The following PPEF2 variants were observed in gnomAD, a reference collection of about 807,000 sequenced individuals.
The protein encoded by PPEF2 is serine/threonine-protein phosphatase with EF-hands 2.
Under a neutral mutation model 84.7 loss-of-function variants are expected in PPEF2, and 84 were observed. The ratio of observed to expected loss-of-function variants is 0.99; its 90% CI spans 0.83 to 1.19. The LOEUF is 1.19. Ranked by LOEUF, PPEF2 falls within the 50% of genes most tolerant of loss-of-function variation. The probability of loss-of-function intolerance (pLI) is 0.00; values close to 1 mark genes in which losing one functional copy is unlikely to be tolerated. For synonymous variants in PPEF2, 346 were observed against 345.2 expected, an observed-to-expected ratio of 1.00 and a Z score of -0.03; for missense variants, 924 against 937.5, an observed-to-expected ratio of 0.99 and a Z score of 0.19.
intron 13 of PPEF2, among the ~76,000 whole-genome samples, chr4:75,870,875 T>A (rs1394917): frequency 1.6e-5 from 1 of 63,488 alleles, no homozygotes; most frequent in Admixed American, 1.7e-4. Context: ...TCTCAAAAGC[T>A]ACCATTTATT....
In PPEF2 at chr4:75,896,263, A is replaced by G; in HGVS notation, c.55+8T>C. 1 of 1,613,830 alleles carries G rather than the reference A, an allele frequency of 6.2e-7. No homozygotes were observed. Among genetic ancestry groups the G allele is most frequent in the Non-Finnish European group, 8.5e-7 (1 of 1,179,716 alleles). ...CCACAGCTGGTTTGGAAAGTGGGAA[A>G]CACGTACCTCTCTCTGCATTCTGGA... On this transcript the variant is annotated splice_region_variant and intron_variant, in intron 2 of 16. Transcript: ENST00000286719.
chr4:75,897,162 C>A (rs953457259), intron 1 of PPEF2, among the ~76,000 whole-genome samples: 2 of 152,094 alleles, frequency 1.3e-5, no homozygotes, highest in Admixed American at 1.3e-4. Context: ...CAGGCCACAC[C>A]TTTATTTCAA....
At position 75,888,336 on chromosome 4, in the gene PPEF2, G is replaced by A. The variant is rs934476361; in HGVS notation, c.418-8C>T. On this transcript the variant is annotated splice_region_variant and splice_polypyrimidine_tract_variant and intron_variant, in intron 5 of 16. Transcript: ENST00000286719. ...GTAGCGAGCATGGAGCTGCTACTGG[G>A]AGGAAGAGGAGGGAAGGAAGAAAAC... 28 of 1,586,498 alleles carry A rather than the reference G, an allele frequency of 1.8e-5. No individual in the cohort carries two copies. The highest frequency in any genetic ancestry group is 2.3e-5 in the Non-Finnish European group (27 of 1,154,990).
rs571010813 is a variant in PPEF2, at chr4:75,866,705, T to C, written c.1757-353A>G. On this transcript the variant is annotated intron_variant, in intron 14 of 16. Coordinates refer to ENST00000286719, the MANE Select transcript of PPEF2 (RefSeq NM_006239.3). The stretch of plus-strand genomic sequence containing the variant: ...TACTTCTGCAAGCCACATAAAAGTC[T>C]TGTAAATGATATCATAAAATATTAT... 3.3e-5 allele frequency among the ~76,000 whole-genome samples: 5 copies of C among 152,246 alleles called. No individual in the cohort carries two copies. The South Asian group carries it at 1.0e-3, about 31-fold the overall frequency.
At position 75,890,095 on chromosome 4, in the gene PPEF2, G is replaced by A. The variant is rs753429908; in HGVS notation, c.279C>T (p.Phe93=). ...ATTTCTTCATCTCGGAGTCCTGGGC[G>A]AATCTGTCCTCAGTGAATATGCGGG... The part of the protein sequence containing the change: ...FLTRIFTEDR[F]AQDSEMKKCS... The change falls in exon 5 of 17, where the codon TTC becomes TTT. Residue 93 remains phenylalanine (F), a synonymous_variant. Transcript: ENST00000286719. 5.0e-6 allele frequency: 8 copies of A among 1,614,082 alleles called. No homozygotes were observed. Among genetic ancestry groups the A allele is most frequent in the Admixed American group, 1.7e-5 (1 of 60,012 alleles).
chr4:75,874,195 A>T (rs367800428), intron 11 of PPEF2, among the ~76,000 whole-genome samples: 68 of 152,172 alleles, frequency 4.5e-4, no homozygotes, highest in African/African-American at 1.5e-3. Flanking sequence ...TTCAGTTTCT[A>T]CTCTATTATT....
rs79246713 is a variant in PPEF2, at chr4:75,872,715, C to T, written c.1506+412G>A. ...CAATAAAGAAACTTGTACAATATAA[C>T]CAGTGGTATTAGGTGAGACAAATAT... On this transcript the variant is annotated intron_variant, in intron 12 of 16. Transcript: ENST00000286719. 5.6e-3 allele frequency among the ~76,000 whole-genome samples: 857 copies of T among 152,222 alleles called. 10 individuals are homozygous for T. The highest frequency in any genetic ancestry group is 0.019 in the African/African-American group (807 of 41,538).
chr4:75,886,606 G>GCTACT (rs1325253493), intron 7 of PPEF2, among the ~76,000 whole-genome samples: 2 of 152,158 alleles, frequency 1.3e-5, no homozygotes, highest in African/African-American at 2.4e-5. Flanking sequence ...AGTGGTCCCA[G>GCTACT]CTACTCGGGA....
intron 2 of PPEF2, among the ~76,000 whole-genome samples, chr4:75,895,743 A>AAT (rs1553909320): frequency 5.3e-5 from 8 of 150,048 alleles, no homozygotes; most frequent in Middle Eastern, 3.5e-3. Flanking sequence ...AAAAAAAAAA[A>AAT]TTTTTTTTTT....
chr4:75,892,250 C>T (rs1724907752), intron 2 of PPEF2, among the ~76,000 whole-genome samples: 1 of 152,098 alleles, frequency 6.6e-6, no homozygotes, highest in Non-Finnish European at 1.5e-5. Context: ...TTGATGAAAA[C>T]ATTTCTGTAT....
At chr4:75,890,564 G>C (rs1208063710) in intron 4 of PPEF2, among the ~76,000 whole-genome samples, 3 of 151,736 alleles carry the variant, frequency 2.0e-5, no homozygotes, top group Admixed American at 6.6e-5. Flanking sequence ...TTCAGCTCCA[G>C]CACAGAAGAG....
chr4:75,866,316 T>C lies in PPEF2; in HGVS notation c.1793A>G (p.Glu598Gly). 1.2e-6 allele frequency: 2 copies of C among 1,614,036 alleles called. No individual in the cohort carries two copies. Among genetic ancestry groups the C allele is most frequent in the Non-Finnish European group, 1.7e-6 (2 of 1,179,972 alleles). ...ITLSDWAAAV[E>G]SVLHLGLPWR... ...TGGCAGTCCTAGGTGCAACACAGACTCCACCGCTGCTGCCCAGTCACTCAA... is the reference window on the plus strand; with the variant it reads ...TGGCAGTCCTAGGTGCAACACAGACCCCACCGCTGCTGCCCAGTCACTCAA... Residue 598 changes from glutamate (E) to glycine (G), a missense_variant, in exon 15 of 17, where the codon GAG becomes GGG. By Grantham distance (98) the Glu-to-Gly change is moderately conservative. Transcript: ENST00000286719.
At chr4:75,895,731 CA>C (rs1553909319) in intron 2 of PPEF2, among the ~76,000 whole-genome samples, 27 of 142,288 alleles carry the variant, frequency 1.9e-4, no homozygotes, top group East Asian at 1.0e-3. Context: ...GACTCCGCCT[CA>C]AAAAAAAAAA....
At chr4:75,901,855 C>A (rs1725131203) in intron 1 of PPEF2, among the ~76,000 whole-genome samples, 1 of 152,168 alleles carries the variant, frequency 6.6e-6, no homozygotes. Context: ...GTTCCAGCTA[C>A]TCAGGAGGCT....
chr4:75,873,342 CA>C (rs771252934), intron 11 of PPEF2, 30 bp from the exon 12 acceptor site: 5 of 1,555,502 alleles, frequency 3.2e-6, no homozygotes, highest in Admixed American at 1.9e-5. Flanking sequence ...ATTTCCTTCC[CA>C]AAAACTAGAT....
chr4:75,866,126 A>G (rs1270805384), intron 15 of PPEF2, 63 bp downstream of exon 15: 5 of 1,444,828 alleles, frequency 3.5e-6, no homozygotes, highest in Non-Finnish European at 4.6e-6. Flanking sequence ...TTTCTGAATC[A>G]AATTCTCTCT....
In PPEF2 at chr4:75,860,556, G is replaced by A; in HGVS notation, c.*111C>T. 1.5e-6 allele frequency: 2 copies of A among 1,362,446 alleles called. No homozygotes were observed. The highest frequency in any genetic ancestry group is 2.4e-5 in the East Asian group (1 of 42,476). 84.4% of individuals were successfully genotyped at this position (1,362,446 alleles called of 1,614,324 possible). On this transcript the variant is annotated 3_prime_UTR_variant, in exon 17 of 17. Transcript: ENST00000286719. ...ATACACAGGTGATTCTGATGCATATGGATAGGTAAATTTTCAGCATAAAGT... is the reference window on the plus strand; with the variant it reads ...ATACACAGGTGATTCTGATGCATATAGATAGGTAAATTTTCAGCATAAAGT...
intron 10 of PPEF2, among the ~76,000 whole-genome samples, chr4:75,877,707 G>T (rs1478647201): frequency 1.3e-5 from 2 of 151,704 alleles, no homozygotes; most frequent in East Asian, 1.9e-4. Context: ...AGGTTTGGGG[G>T]TATATGCGAA....
chr4:75,896,829 T>C (rs1052269041), intron 1 of PPEF2, among the ~76,000 whole-genome samples: 7 of 151,878 alleles, frequency 4.6e-5, no homozygotes, highest in Non-Finnish European at 7.4e-5. Flanking sequence ...TTTCAGTCCT[T>C]ACCTTGCCAG....
Sources: allele counts gnomAD v4.1 joint callset (sites outside exome capture counted in the v4.1 genomes callset), GRCh38; gene constraint gnomAD v4.1.1; transcripts MANE v1.5; gene names NCBI Gene and HGNC (gene_info 2026-07-23, HGNC 2026-07-21).